EDIL3: variants seen among roughly 807,000 people sequenced by gnomAD.
EDIL3 encodes EGF-like repeat and discoidin I-like domain-containing protein 3.
Under a neutral mutation model 67.4 loss-of-function variants are expected in EDIL3, and 37 were observed. The observed-to-expected ratio is 0.55, with a 90% CI of 0.42 to 0.72. EDIL3 has a LOEUF of 0.72. Ranked by LOEUF, EDIL3 falls within the 30% of genes least tolerant of loss-of-function variation. EDIL3 has a pLI of 0.00. For missense variants in EDIL3, 527 were observed against 586.3 expected (o/e 0.90, Z 1.04); for synonymous variants, 195 against 196.3 (o/e 0.99, Z 0.05).
intron 9 of EDIL3, among the ~76,000 whole-genome samples, chr5:84,052,907 A>G (rs1204362693): frequency 6.6e-6 from 1 of 152,186 alleles, no homozygotes; most frequent in African/African-American, 2.4e-5. Context: ...AACAAGACAG[A>G]CAGTTAAGAA....
At chr5:84,167,010 C>G (rs1442622101) in intron 4 of EDIL3, among the ~76,000 whole-genome samples, 1 of 152,036 alleles carries the variant, frequency 6.6e-6, no homozygotes, top group African/African-American at 2.4e-5. Context: ...TTTTTGTTCA[C>G]TATAAAGACT....
At chr5:84,162,105 G>T (rs570289134) in intron 4 of EDIL3, among the ~76,000 whole-genome samples, 1 of 152,200 alleles carries the variant, frequency 6.6e-6, no homozygotes, top group South Asian at 2.1e-4. Context: ...CACATGGGAG[G>T]ACAGATATGG....
Position 84,055,437 on chromosome 5 carries a change from T to C in EDIL3, c.1137+4863A>G, listed in dbSNP as rs1365240640. Among the ~76,000 whole-genome samples, 5 of 140,386 alleles carry C rather than the reference T, an allele frequency of 3.6e-5. 1 individual carries two copies. The highest frequency in any genetic ancestry group is 2.1e-4 in the East Asian group (1 of 4,682). 92.1% of individuals were successfully genotyped at this position (140,386 alleles called of 152,430 possible). A position where few individuals can be genotyped will look rare whatever the true frequency, so the allele number is the denominator to read the frequency against. ...TCTAAAACACCAAAAGCAATGGCAA[T>C]AAAAGCCAAAATTGACAAATGGGAT... On this transcript the variant is annotated intron_variant, in intron 9 of 10. Coordinates refer to ENST00000296591, the MANE Select transcript of EDIL3 (RefSeq NM_005711.5).
At chr5:84,366,617 A>T (rs1747740648) in intron 1 of EDIL3, among the ~76,000 whole-genome samples, 1 of 152,224 alleles carries the variant, frequency 6.6e-6, no homozygotes, top group Admixed American at 6.5e-5. Context: ...AAATTAGAAA[A>T]TATTGTTAAA....
intron 1 of EDIL3, among the ~76,000 whole-genome samples, chr5:84,281,225 T>C (rs1745693649): frequency 6.6e-6 from 1 of 152,180 alleles, no homozygotes; most frequent in Non-Finnish European, 1.5e-5. Context: ...TCAACAGAAT[T>C]CAAAACATGA....
At chr5:84,090,472 T>C (rs564405977) in intron 6 of EDIL3, among the ~76,000 whole-genome samples, 120 of 152,264 alleles carry the variant, frequency 7.9e-4, no homozygotes, top group Non-Finnish European at 1.3e-3. Context: ...ATAACCAATA[T>C]CAAAATTCGC....
chr5:84,208,496 G>A lies in EDIL3; in HGVS notation c.226+21359C>T, dbSNP rs1398432521. ...AGATCGAGACCATCCTGGCTAACAA[G>A]GTGAAACCCCGTCTCTACCAAAAAT... is the stretch of plus-strand genomic sequence containing the variant. On this transcript the variant is annotated intron_variant, in intron 3 of 10. Transcript: ENST00000296591. Among the ~76,000 whole-genome samples, 5 of 151,210 alleles carry A rather than the reference G, an allele frequency of 3.3e-5. No homozygotes were observed. The East Asian group carries it at 9.8e-4, about 30-fold the overall frequency.
At chr5:84,254,338 A>G in intron 1 of EDIL3, 126 bp from the exon 2 acceptor site, 1 of 1,099,532 alleles carries the variant, frequency 9.1e-7, no homozygotes, top group Non-Finnish European at 1.2e-6. Context: ...TAAGATTCAC[A>G]CATAAGATCT....
intron 9 of EDIL3, among the ~76,000 whole-genome samples, chr5:84,053,204 G>A (rs577110707): frequency 6.6e-6 from 1 of 152,302 alleles, no homozygotes; most frequent in African/African-American, 2.4e-5. Flanking sequence ...GCTCCTGAAT[G>A]ACTACTGGGT....
intron 5 of EDIL3, among the ~76,000 whole-genome samples, chr5:84,118,846 C>T (rs72776510): frequency 0.042 from 6,360 of 152,126 alleles, 185 homozygotes; most frequent in Non-Finnish European, 0.061. Flanking sequence ...TCATACAGTA[C>T]CAATTCAATT....
At chr5:84,015,047 T>A (rs899514785) in intron 9 of EDIL3, among the ~76,000 whole-genome samples, 3 of 152,190 alleles carry the variant, frequency 2.0e-5, no homozygotes, top group Non-Finnish European at 4.4e-5. Context: ...CTGCTCTTAT[T>A]CTATGATGAA....
chr5:84,137,184 TACAC>T (rs70975542), intron 5 of EDIL3, 53 bp downstream of exon 5: 35,751 of 889,568 alleles, frequency 0.04, 443 homozygotes, highest in African/African-American at 0.11. Flanking sequence ...TGTGTATACA[TACAC>T]ACACACACAC....
At chr5:84,065,231 A>G (rs569977582) in intron 7 of EDIL3, among the ~76,000 whole-genome samples, 3 of 152,168 alleles carry the variant, frequency 2.0e-5, no homozygotes, top group Non-Finnish European at 4.4e-5. Flanking sequence ...GGTAGAATCC[A>G]GTCTTTGCTA....
At chr5:84,067,424 T>C (rs1383539360) in intron 6 of EDIL3, among the ~76,000 whole-genome samples, 1 of 152,164 alleles carries the variant, frequency 6.6e-6, no homozygotes, top group Non-Finnish European at 1.5e-5. Flanking sequence ...ATAGTAAACA[T>C]TAAAATTTCA....
intron 3 of EDIL3, among the ~76,000 whole-genome samples, chr5:84,212,252 T>C (rs942880989): frequency 2.0e-5 from 3 of 152,080 alleles, no homozygotes; most frequent in African/African-American, 7.2e-5. Flanking sequence ...CTAAATCCCA[T>C]AACAAGTGTC....
chr5:83,989,737 C>A (rs1745117017), intron 9 of EDIL3, among the ~76,000 whole-genome samples: 1 of 152,158 alleles, frequency 6.6e-6, no homozygotes, highest in African/African-American at 2.4e-5. Flanking sequence ...GCAGGTGAGA[C>A]CTGTGATTTG....
intron 2 of EDIL3, among the ~76,000 whole-genome samples, chr5:84,244,411 G>A (rs534832654): frequency 4.5e-4 from 68 of 151,588 alleles, no homozygotes; most frequent in Non-Finnish European, 7.7e-4. Context: ...CCTGAGTAGC[G>A]GGGATTACAG....
rs1267919113 is a variant in EDIL3 at position 84,205,816 on chromosome 5, A to G, written c.226+24039T>C. Among the ~76,000 whole-genome samples the G allele has an allele frequency of 2.0e-5, 3 of 151,584 alleles. No homozygotes were observed. The East Asian group carries it at 5.8e-4, about 29-fold the overall frequency. On this transcript the variant is annotated intron_variant, in intron 3 of 10. Coordinates refer to ENST00000296591, the MANE Select transcript of EDIL3 (RefSeq NM_005711.5). ...ATTCTTCTCTCTTTTTTTCTTTATT[A>G]GTCTTGCTAGCGGTCTATCAATTTT...
intron 5 of EDIL3, among the ~76,000 whole-genome samples, chr5:84,121,008 T>C (rs114778202): frequency 6.6e-6 from 1 of 151,978 alleles, no homozygotes; most frequent in African/African-American, 2.4e-5. Flanking sequence ...AGGGGATTAC[T>C]ATAAAATGAA....
Sources: gnomAD v4.1 joint callset for allele counts (sites outside exome capture counted in the v4.1 genomes callset) on GRCh38, gnomAD v4.1.1 for gene constraint, MANE v1.5 for transcripts, NCBI Gene and HGNC (gene_info 2026-07-23, HGNC 2026-07-21) for gene names.